The following RYR2 variants were observed in gnomAD, a reference collection of about 807,000 sequenced individuals.
The protein encoded by RYR2 is cardiac muscle ryanodine receptor-calcium release channel.
In RYR2, 227 loss-of-function variants were observed where a neutral mutation model predicts 601.1. The ratio of observed to expected loss-of-function variants is 0.38; its 90% CI spans 0.34 to 0.42. The LOEUF is 0.42. Ranked by LOEUF, RYR2 falls within the 10% of genes least tolerant of loss-of-function variation. The probability of loss-of-function intolerance (pLI) is 1.00; values close to 1 mark genes in which losing one functional copy is unlikely to be tolerated. For missense variants in RYR2, 4,646 were observed against 6,156.5 expected (o/e 0.75, Z 8.21); for synonymous variants, 2,223 against 2,175.1 (o/e 1.02, Z -0.61).
intron 1 of RYR2, among the ~76,000 whole-genome samples, chr1:237,116,376 C>T (rs993890206): frequency 6.6e-6 from 1 of 152,100 alleles, no homozygotes. Context: ...GCTAAGACAC[C>T]TTGCCTGCCT....
At chr1:237,272,917 A>G (rs1431155726) in intron 2 of RYR2, among the ~76,000 whole-genome samples, 2 of 152,124 alleles carry the variant, frequency 1.3e-5, no homozygotes, top group African/African-American at 4.8e-5. Context: ...GTAAACCCAC[A>G]GCTTAACATC....
chr1:237,641,499 TTCTTTCTTTCTTTC>T (rs1681516387), intron 47 of RYR2, among the ~76,000 whole-genome samples: 1 of 106,408 alleles, frequency 9.4e-6, no homozygotes, highest in Admixed American at 8.9e-5. Flanking sequence ...CTTTCTTTCT[TTCTTTCTTTCTTTC>T]TTTCTTTCTT....
chr1:237,350,602 A>AATAT (rs1177777241), intron 3 of RYR2, among the ~76,000 whole-genome samples: 1,303 of 36,716 alleles, frequency 0.035, 36 homozygotes, highest in Non-Finnish European at 0.043. Context: ...AAAAAAAAAA[A>AATAT]ATATATATAT....
intron 49 of RYR2, 73 bp from the exon 50 acceptor site, chr1:237,649,804 C>A: frequency 8.0e-7 from 1 of 1,246,750 alleles, no homozygotes; most frequent in Non-Finnish European, 1.1e-6. Flanking sequence ...AATTGTATGT[C>A]CCCATGTTAA....
chr1:237,699,108 G>A (rs1687741351), intron 64 of RYR2, 83 bp downstream of exon 64: 1 of 663,070 alleles, frequency 1.5e-6, no homozygotes, highest in South Asian at 2.6e-5. Context: ...AGGACCCAGT[G>A]TCTGGATTTT....
At chr1:237,824,040 G>A (rs1247472757) in intron 101 of RYR2, among the ~76,000 whole-genome samples, 1 of 152,100 alleles carries the variant, frequency 6.6e-6, no homozygotes, top group African/African-American at 2.4e-5. Flanking sequence ...GTAATTAATA[G>A]CCTACCAACC....
chr1:237,331,803 C>T lies in RYR2; in HGVS notation c.273+821C>T, dbSNP rs547453994. ...TGCTGGGATTACAGGCGTGAGCCAC[C>T]GCGCCCAGCCCTGAAATTGTTATGT... On this transcript the variant is annotated intron_variant, in intron 3 of 104. Transcript: ENST00000366574. Among the ~76,000 whole-genome samples the T allele has an allele frequency of 2.7e-3, 412 of 152,148 alleles. 2 individuals are homozygous for T. Among genetic ancestry groups the T allele is most frequent in the Non-Finnish European group, 4.2e-3 (286 of 68,008 alleles).
intron 60 of RYR2, among the ~76,000 whole-genome samples, chr1:237,675,883 A>G (rs1685350282): frequency 6.6e-6 from 1 of 152,174 alleles, no homozygotes; most frequent in African/African-American, 2.4e-5. Context: ...CAAATACTAT[A>G]TTATTGCTCT....
intron 51 of RYR2, among the ~76,000 whole-genome samples, chr1:237,653,880 T>C (rs111954468): frequency 0.048 from 7,279 of 152,222 alleles, 229 homozygotes; most frequent in African/African-American, 0.082. Context: ...GGGACAAAGA[T>C]AAAGGCCAGA....
intron 2 of RYR2, among the ~76,000 whole-genome samples, chr1:237,319,605 T>G (rs1444855163): frequency 6.6e-6 from 1 of 152,224 alleles, no homozygotes; most frequent in East Asian, 1.9e-4. Flanking sequence ...TTCTAGAGAC[T>G]TTGCTATTCC....
intron 34 of RYR2, among the ~76,000 whole-genome samples, chr1:237,599,329 A>G (rs1263349350): frequency 1.3e-5 from 2 of 152,350 alleles, no homozygotes; most frequent in Non-Finnish European, 1.5e-5. Flanking sequence ...GAAGTCATCA[A>G]ATTGTCTCAG....
At chr1:237,417,543 A>G (rs777477939) in intron 11 of RYR2, among the ~76,000 whole-genome samples, 4 of 152,218 alleles carry the variant, frequency 2.6e-5, no homozygotes, top group African/African-American at 4.8e-5. Flanking sequence ...AAGTACATTT[A>G]AAACAGGAAA....
chr1:237,053,235 A>T (rs183373797), intron 1 of RYR2, among the ~76,000 whole-genome samples: 1 of 152,308 alleles, frequency 6.6e-6, no homozygotes, highest in East Asian at 1.9e-4. Context: ...CAATGCCCAC[A>T]GCTGGGAGTC....
intron 22 of RYR2, 71 bp downstream of exon 22, chr1:237,503,576 G>T: frequency 2.7e-6 from 4 of 1,475,086 alleles, no homozygotes; most frequent in Non-Finnish European, 3.8e-6. Flanking sequence ...TTTACACTTG[G>T]ACCACAACCC....
chr1:237,701,927 A>G (rs1378026921), intron 65 of RYR2, 51 bp from the exon 66 acceptor site: 6 of 983,876 alleles, frequency 6.1e-6, no homozygotes, highest in Admixed American at 1.8e-5. Context: ...TCTCAGGACA[A>G]TGTATAAATA....
chr1:237,180,692 A>ATACATGTGTATATATGTG lies in RYR2; in HGVS notation c.49-89803_49-89802insCATGTGTATATATGTGTA, dbSNP rs1558379987. ...CATGTGTATATATGTGTATATATGT[A>ATACATGTGTATATATGTG]TATATAAGTATATATACACATATAT... is the stretch of plus-strand genomic sequence containing the variant. On this transcript the variant is annotated intron_variant, in intron 1 of 104. Transcript: ENST00000366574. The surrounding 1 kb of genome is among the most constrained non-coding windows in gnomAD (Gnocchi z 5.3). 1.6e-5 allele frequency among the ~76,000 whole-genome samples: 1 copy of ATACATGTGTATATATGTG among 63,026 alleles called. No homozygotes were observed. Among genetic ancestry groups the ATACATGTGTATATATGTG allele is most frequent in the Admixed American group, 1.7e-4 (1 of 5,792 alleles). The allele number at this position is 63,026 out of a possible 152,430, so 41.3% of individuals were successfully genotyped here. A position where few individuals can be genotyped will look rare whatever the true frequency, so the allele number is the denominator to read the frequency against.
At chr1:237,804,076 G>A (rs1538606) in intron 98 of RYR2, among the ~76,000 whole-genome samples, 30,826 of 151,862 alleles carry the variant, frequency 0.2, 3,410 homozygotes, top group East Asian at 0.47. Flanking sequence ...TATATTGAAC[G>A]TTGACCAGCA....
chr1:237,789,975 G>A (rs1463749519), intron 92 of RYR2, among the ~76,000 whole-genome samples: 7 of 152,124 alleles, frequency 4.6e-5, no homozygotes, highest in African/African-American at 1.7e-4. Context: ...GTAAAGATGG[G>A]GTCCTGTGTG....
chr1:237,257,500 T>A (rs1688108146), intron 1 of RYR2, among the ~76,000 whole-genome samples: 1 of 152,158 alleles, frequency 6.6e-6, no homozygotes. Context: ...AGTTCTAGAA[T>A]GTAATCAATG....
Sources: allele counts gnomAD v4.1 joint callset (sites outside exome capture counted in the v4.1 genomes callset), GRCh38; gene constraint gnomAD v4.1.1; non-coding constraint Gnocchi (gnomAD v3.1); transcripts MANE v1.5; gene names NCBI Gene and HGNC (gene_info 2026-07-23, HGNC 2026-07-21).